CCND3: variants seen among roughly 807,000 people sequenced by gnomAD.
The protein encoded by CCND3 is G1/S-specific cyclin-D3.
In CCND3, 9 loss-of-function variants were observed where a neutral mutation model predicts 28.7. The observed-to-expected ratio is 0.31, with a 90% CI of 0.19 to 0.55. The LOEUF is 0.55. Ranked by LOEUF, CCND3 falls within the 20% of genes least tolerant of loss-of-function variation. The probability of loss-of-function intolerance (pLI) is 0.93; values close to 1 mark genes in which losing one functional copy is unlikely to be tolerated. For missense variants in CCND3, 315 were observed against 385.8 expected (o/e 0.82, Z 1.54); for synonymous variants, 164 against 163.9 (o/e 1.00, Z 0.00).
intron 1 of CCND3, chr6:41,940,984 C>G (rs764977634): frequency 1.8e-5 from 29 of 1,612,892 alleles, no homozygotes; most frequent in Non-Finnish European, 2.4e-5. Context: ...CTGCCGCTGC[C>G]TCCTGCACTT....
At chr6:42,034,405 C>T (rs935331782) in intron 1 of CCND3, among the ~76,000 whole-genome samples, 2 of 151,688 alleles carry the variant, frequency 1.3e-5, no homozygotes, top group African/African-American at 4.8e-5. Context: ...GCCCTGGCCT[C>T]CCAAAGTGCT....
Position 41,936,275 on chromosome 6 carries a change from C to A in CCND3, c.712-168G>T. 1 of 763,250 alleles carries A rather than the reference C, an allele frequency of 1.3e-6. No homozygotes were observed. Among genetic ancestry groups the A allele is most frequent in the Non-Finnish European group, 2.1e-6 (1 of 487,332 alleles). The allele number at this position is 763,250 out of a possible 1,614,324, so 47.3% of individuals were successfully genotyped here. A position where few individuals can be genotyped will look rare whatever the true frequency, so the allele number is the denominator to read the frequency against. On this transcript the variant is annotated intron_variant, in intron 4 of 4. Coordinates refer to ENST00000372991, the MANE Select transcript of CCND3 (RefSeq NM_001760.5). The surrounding 1 kb of genome is among the most constrained non-coding windows in gnomAD (Gnocchi z 4.4). ...CTCAGAAACTAGCAAGAGGATGTGG[C>A]AAGGGAGTGTGAGAGCAGCCCTGCA...
At chr6:41,996,065 C>G (rs1308821102) in intron 1 of CCND3, among the ~76,000 whole-genome samples, 1 of 147,626 alleles carries the variant, frequency 6.8e-6, no homozygotes, top group Non-Finnish European at 1.5e-5. Flanking sequence ...TTTCTGTATT[C>G]TATTATTTGT....
chr6:42,012,718 T>A (rs1239023407), intron 1 of CCND3, among the ~76,000 whole-genome samples: 1 of 152,204 alleles, frequency 6.6e-6, no homozygotes, highest in South Asian at 2.1e-4. Context: ...ATGTGGGTAG[T>A]GTGGAATTAT....
upstream of CCND3, chr6:42,049,715 T>TG (rs1441747449): frequency 6.6e-6 from 1 of 152,282 alleles, no homozygotes; most frequent in Non-Finnish European, 1.5e-5. Context: ...TTGGACTAGG[T>TG]GGTCCAGGCT....
chr6:41,956,684 C>T (rs1158018166), intron 1 of CCND3, among the ~76,000 whole-genome samples: 3 of 152,246 alleles, frequency 2.0e-5, no homozygotes, highest in Admixed American at 6.6e-5. Context: ...CCTTAGAAAC[C>T]TATATACATC....
intron 1 of CCND3, among the ~76,000 whole-genome samples, chr6:42,032,686 G>C (rs948256341): frequency 9.9e-5 from 15 of 152,164 alleles, no homozygotes; most frequent in African/African-American, 3.6e-4. Context: ...CCCCCTCCCT[G>C]ACAGCACAGC....
rs374101322 is a variant in CCND3 at position 41,936,718 on chromosome 6, C to G, written c.575-23G>C. 7 of 1,608,248 alleles carry G rather than the reference C, an allele frequency of 4.4e-6. No homozygotes were observed. Among genetic ancestry groups the G allele is most frequent in the Non-Finnish European group, 5.1e-6 (6 of 1,176,084 alleles). On this transcript the variant is annotated intron_variant, in intron 3 of 4. Coordinates refer to ENST00000372991, the MANE Select transcript of CCND3 (RefSeq NM_001760.5). This position sits in a 1 kb window ranked among gnomAD's most constrained non-coding sequence, Gnocchi z 4.4. ...AATCTTGGAGAGGAGGAAAGGGAACCATGAGAGAAGGAAACCTGAAGGATA... is the reference window on the plus strand; with the variant it reads ...AATCTTGGAGAGGAGGAAAGGGAACGATGAGAGAAGGAAACCTGAAGGATA...
chr6:42,010,879 CTT>C (rs1418223840), intron 1 of CCND3: 1 of 145,072 alleles, frequency 6.9e-6, no homozygotes, highest in Non-Finnish European at 1.5e-5. Context: ...CTATCTTCTT[CTT>C]TTTTTCTAAA....
intron 1 of CCND3, 118 bp from the exon 2 acceptor site, chr6:41,940,703 C>G (rs1775975101): frequency 1.3e-6 from 1 of 781,176 alleles, no homozygotes; most frequent in South Asian, 1.5e-5. Context: ...GGGTAAGCTA[C>G]TTAGAGAGAC....
At position 42,048,458 on chromosome 6, in the gene CCND3, C is replaced by G. The variant is rs1374779602; in HGVS notation, c.-46+43G>C. The G allele has an allele frequency of 2.1e-6, 1 of 472,538 alleles. No individual in the cohort carries two copies. Among genetic ancestry groups the G allele is most frequent in the Non-Finnish European group, 4.2e-6 (1 of 236,260 alleles). The allele number at this position is 472,538 out of a possible 1,614,324, so 29.3% of individuals were successfully genotyped here. A position where few individuals can be genotyped will look rare whatever the true frequency, so the allele number is the denominator to read the frequency against. On this transcript the variant is annotated intron_variant, in intron 1 of 4. Coordinates refer to the CCND3 transcript ENST00000372988. This position sits in a 1 kb window ranked among gnomAD's most constrained non-coding sequence, Gnocchi z 4.7. The stretch of plus-strand genomic sequence containing the variant: ...CCCAACGCATGGTCTCCAGCCTGAG[C>G]TGACATCCCATCTACCCCGGTTTCT...
At position 41,967,452 on chromosome 6, in the gene CCND3, G is replaced by A. The variant is rs552944499; in HGVS notation, c.-45-26867C>T. Among the ~76,000 whole-genome samples, 6 of 152,228 alleles carry A rather than the reference G, an allele frequency of 3.9e-5. No individual in the cohort carries two copies. In the South Asian group the frequency reaches 1.0e-3, roughly 26 times the overall value. On this transcript the variant is annotated intron_variant, in intron 1 of 4. Coordinates refer to the CCND3 transcript ENST00000372988. The stretch of plus-strand genomic sequence containing the variant: ...GACACTGGGCAAGTGACTAAGCCTC[G>A]ATTTCTTCATCTATAAAAGGAGCTG...
rs532651718 is a variant in CCND3, at chr6:41,950,245, C to T, written c.-45-9660G>A. Among the ~76,000 whole-genome samples the T allele has an allele frequency of 4.7e-4, 71 of 152,164 alleles. 1 individual carries two copies. The highest frequency in any genetic ancestry group is 2.3e-3 in the South Asian group (11 of 4,824). On this transcript the variant is annotated intron_variant, in intron 1 of 4. Transcript: ENST00000372988. ...AGGTAAGACTGAGGTGCACACAGGG[C>T]CTCAGGTGTGGAAGGGTAACCTGCT...
chr6:42,037,236 G>C (rs996686596), intron 1 of CCND3, among the ~76,000 whole-genome samples: 5 of 148,928 alleles, frequency 3.4e-5, no homozygotes, highest in Non-Finnish European at 7.4e-5. Context: ...CACTGTGCCC[G>C]GCCGTTTTGT....
chr6:41,951,577 A>ACAC lies in CCND3; in HGVS notation c.-45-10993_-45-10992insGTG, dbSNP rs1247884939. ...ACACACACACACACACACACACACA[A>ACAC]AAAAAAAGATTAAGTGGGAGTAAGA... On this transcript the variant is annotated intron_variant, in intron 1 of 4. Transcript: ENST00000372988. 9.2e-4 allele frequency among the ~76,000 whole-genome samples: 134 copies of ACAC among 145,934 alleles called. No individual in the cohort carries two copies. In the South Asian group the frequency reaches 0.012, roughly 13 times the overall value.
chr6:42,044,747 T>A (rs1233519637), intron 1 of CCND3, among the ~76,000 whole-genome samples: 2 of 152,032 alleles, frequency 1.3e-5, no homozygotes, highest in African/African-American at 2.4e-5. Flanking sequence ...CATCTTTTTT[T>A]AACTTGGCTA....
intron 1 of CCND3, among the ~76,000 whole-genome samples, chr6:42,026,164 A>G (rs1763870209): frequency 6.6e-6 from 1 of 151,794 alleles, no homozygotes; most frequent in African/African-American, 2.4e-5. Context: ...ACAAACCTTG[A>G]CCTCCCTGCC....
At chr6:42,009,645 A>G (rs1763281946) in intron 1 of CCND3, among the ~76,000 whole-genome samples, 1 of 79,216 alleles carries the variant, frequency 1.3e-5, no homozygotes, top group East Asian at 3.7e-4. Flanking sequence ...CAAAACAAAA[A>G]CACACAAAAA....
chr6:41,962,325 C>G (rs1454052902), intron 1 of CCND3, among the ~76,000 whole-genome samples: 2 of 152,054 alleles, frequency 1.3e-5, no homozygotes, highest in Non-Finnish European at 2.9e-5. Flanking sequence ...GTCTTGAACT[C>G]CTGACCTCAG....
Sources: allele counts gnomAD v4.1 joint callset (sites outside exome capture counted in the v4.1 genomes callset), GRCh38; gene constraint gnomAD v4.1.1; non-coding constraint Gnocchi (gnomAD v3.1); transcripts MANE v1.5; gene names NCBI Gene and HGNC (gene_info 2026-07-23, HGNC 2026-07-21).